Variants in SMC1B observed in about 807,000 individuals in gnomAD.
The protein encoded by SMC1B is structural maintenance of chromosomes 1B, also known as structural maintenance of chromosomes protein 1B.
SMC1B carries 60 observed loss-of-function variants against 157.9 expected under a neutral mutation model. The observed-to-expected ratio is 0.38, with a 90% CI of 0.31 to 0.47. SMC1B has a LOEUF of 0.47. SMC1B is among the 20% of genes least tolerant of loss of function. The probability of loss-of-function intolerance (pLI) is 0.99; values close to 1 mark genes in which losing one functional copy is unlikely to be tolerated. For missense variants in SMC1B, 1,165 were observed against 1,426.2 expected (o/e 0.82, Z 2.95); for synonymous variants, 445 against 483.0 (o/e 0.92, Z 1.03).
At chr22:45,361,177 G>T (rs1338080390) in intron 17 of SMC1B, among the ~76,000 whole-genome samples, 1 of 152,170 alleles carries the variant, frequency 6.6e-6, no homozygotes, top group East Asian at 1.9e-4. Context: ...AGAAATTGTG[G>T]CTCCAAATTC....
chr22:45,400,164 A>G (rs558991026), intron 5 of SMC1B, among the ~76,000 whole-genome samples: 1 of 152,328 alleles, frequency 6.6e-6, no homozygotes, highest in East Asian at 1.9e-4. Context: ...ACACTCCAGT[A>G]GCAACGAACA....
At chr22:45,389,921 A>G in intron 9 of SMC1B, 24 bp from the exon 10 acceptor site, 1 of 1,579,060 alleles carries the variant, frequency 6.3e-7, no homozygotes, top group Non-Finnish European at 8.7e-7. Flanking sequence ...AAAAAAGGAG[A>G]GAAAAACAGA....
intron 15 of SMC1B, among the ~76,000 whole-genome samples, chr22:45,364,813 G>T (rs1322527886): frequency 6.8e-6 from 1 of 147,852 alleles, no homozygotes; most frequent in African/African-American, 2.5e-5. Context: ...CATCTTGTAG[G>T]ATCTCTTTTC....
intron 5 of SMC1B, among the ~76,000 whole-genome samples, chr22:45,400,764 G>A (rs1276525047): frequency 1.3e-5 from 2 of 152,128 alleles, no homozygotes; most frequent in Non-Finnish European, 2.9e-5. Flanking sequence ...ATACCATGTT[G>A]ATATGACACA....
chr22:45,359,824 T>C lies in SMC1B; in HGVS notation c.2843A>G (p.Asp948Gly). ...GAATACCTCCACTTCAATGATGTCATCCAGTGACCCCGACAAAAGGATTAT... is the reference window on the plus strand; with the variant it reads ...GAATACCTCCACTTCAATGATGTCACCCAGTGACCCCGACAAAAGGATTAT... ...IEIILLSGSL[D>G]DIIEVEMGTE... Residue 948 changes from aspartate to glycine, a missense_variant, in exon 18 of 25, where the codon GAT (aspartate) becomes GGT (glycine). Coordinates refer to ENST00000357450, the MANE Select transcript of SMC1B (RefSeq NM_148674.5). 6.2e-7 allele frequency: 1 copy of C among 1,613,610 alleles called. No individual in the cohort carries two copies. The highest frequency in any genetic ancestry group is 8.5e-7 in the Non-Finnish European group (1 of 1,179,730).
intron 4 of SMC1B, among the ~76,000 whole-genome samples, chr22:45,403,617 C>T (rs1243095736): frequency 2.6e-5 from 4 of 152,058 alleles, no homozygotes; most frequent in African/African-American, 9.7e-5. Flanking sequence ...CCACACCAGG[C>T]AAAGTTTTTT....
chr22:45,397,615 C>T (rs2087140285), intron 6 of SMC1B, among the ~76,000 whole-genome samples: 1 of 152,182 alleles, frequency 6.6e-6, no homozygotes, highest in Non-Finnish European at 1.5e-5. Context: ...TGATTGATCC[C>T]TACCCTTCAC....
intron 18 of SMC1B, 146 bp downstream of exon 18, chr22:45,359,659 G>T: frequency 1.4e-6 from 1 of 729,350 alleles, no homozygotes; most frequent in Non-Finnish European, 2.2e-6. Context: ...AGTCCTCTGA[G>T]ATGACAGTCA....
rs1330724232 is a variant in SMC1B at position 45,406,552 on chromosome 22, A to T, written c.523T>A (p.Leu175Ile). 6.2e-7 allele frequency: 1 copy of T among 1,612,872 alleles called. No homozygotes were observed. The highest frequency in any genetic ancestry group is 8.5e-7 in the Non-Finnish European group (1 of 1,179,834). The change falls in exon 4 of 25, where the codon TTA becomes ATA. Residue 175 changes from leucine to isoleucine, a missense_variant. Physicochemically the swap from Leu to Ile is conservative, Grantham distance 5. Transcript: ENST00000357450. ...TGTGCATCCTCTTCGGCTTTTTGTA[A>T]CTTTCTTTTCTTTTCTTCATATTCT... is the stretch of plus-strand genomic sequence containing the variant. ...IGEYEEKKRKLQKAEEDAQFN... is the reference protein window; with the variant it reads ...IGEYEEKKRKIQKAEEDAQFN...
At chr22:45,401,165 A>T (rs1008394345) in intron 5 of SMC1B, among the ~76,000 whole-genome samples, 1 of 152,254 alleles carries the variant, frequency 6.6e-6, no homozygotes, top group African/African-American at 2.4e-5. Flanking sequence ...ATAATGTAAG[A>T]TATTAATAAT....
At chr22:45,393,410 C>T (rs1285937610) in intron 9 of SMC1B, among the ~76,000 whole-genome samples, 1 of 152,148 alleles carries the variant, frequency 6.6e-6, no homozygotes, top group Admixed American at 6.5e-5. Flanking sequence ...TGTCAAGCTT[C>T]TCCCCAATAA....
At chr22:45,372,912 A>C (rs960889723) in intron 12 of SMC1B, among the ~76,000 whole-genome samples, 6 of 152,038 alleles carry the variant, frequency 3.9e-5, no homozygotes, top group Non-Finnish European at 7.4e-5. Context: ...CGGGGGTTTC[A>C]TCGTGTTAGC....
At chr22:45,358,885 G>GT in intron 18 of SMC1B, 90 bp from the exon 19 acceptor site, 1 of 775,530 alleles carries the variant, frequency 1.3e-6, no homozygotes, top group Non-Finnish European at 2.2e-6. Context: ...AATTACAATA[G>GT]TAACATCAAA....
At chr22:45,361,741 C>A in intron 17 of SMC1B, 98 bp downstream of exon 17, 1 of 1,160,980 alleles carries the variant, frequency 8.6e-7, no homozygotes, top group Non-Finnish European at 1.2e-6. Context: ...CAACAAAGGG[C>A]ACATATTCAA....
At chr22:45,411,648 G>A (rs1345600739) in intron 1 of SMC1B, among the ~76,000 whole-genome samples, 7 of 151,030 alleles carry the variant, frequency 4.6e-5, no homozygotes, top group Non-Finnish European at 1.0e-4. Context: ...GTGCAGTGGC[G>A]TGATGTCAGC....
chr22:45,368,903 C>T (rs1431356513), intron 15 of SMC1B, among the ~76,000 whole-genome samples: 1 of 152,150 alleles, frequency 6.6e-6, no homozygotes, highest in Non-Finnish European at 1.5e-5. Context: ...GATAATTCAC[C>T]TGTGAAGCTA....
At position 45,354,026 on chromosome 22, in the gene SMC1B, G is replaced by C. The variant is rs71313005; in HGVS notation, c.3225C>G (p.Ile1075Met). ...LFTQCFEHVS[I>M]SIDQIYKKLC... is the part of the protein sequence containing the mutation. ...GCTTCTTGTAGATTTGATCAATTGA[G>C]ATTGAGACATGCTCAAAACACTGGG... is the stretch of plus-strand genomic sequence containing the variant. Residue 1075 changes from isoleucine (I) to methionine (M), a missense_variant, in exon 21 of 25, where the codon ATC (isoleucine) becomes ATG (methionine). Coordinates refer to ENST00000357450, the MANE Select transcript of SMC1B (RefSeq NM_148674.5). 6.3e-7 allele frequency: 1 copy of C among 1,599,306 alleles called. No homozygotes were observed. The highest frequency in any genetic ancestry group is 8.5e-7 in the Non-Finnish European group (1 of 1,174,172).
In SMC1B at chr22:45,372,863, C is replaced by T. The variant is rs531261665; in HGVS notation, c.2059-571G>A. Among the ~76,000 whole-genome samples, 6 of 152,056 alleles carry T rather than the reference C, an allele frequency of 3.9e-5. No individual in the cohort carries two copies. In the South Asian group the frequency reaches 1.0e-3, roughly 26 times the overall value. Reference sequence around the variant, plus strand: ...GAGTAGCTGGGACTACAGGCACCCGCCAGCAGGCCCAGCTAATTTTTTGTA... The same window carrying T: ...GAGTAGCTGGGACTACAGGCACCCGTCAGCAGGCCCAGCTAATTTTTTGTA... On this transcript the variant is annotated intron_variant, in intron 12 of 24. Coordinates refer to ENST00000357450, the MANE Select transcript of SMC1B (RefSeq NM_148674.5).
intron 24 of SMC1B, 109 bp downstream of exon 24, chr22:45,345,350 C>A (rs977668523): frequency 5.1e-6 from 3 of 585,152 alleles, no homozygotes; most frequent in Admixed American, 3.1e-5. Context: ...AAAGTCATTT[C>A]AGCATTAGAC....
Sources: gnomAD v4.1 joint callset for allele counts (sites outside exome capture counted in the v4.1 genomes callset) on GRCh38, gnomAD v4.1.1 for gene constraint, MANE v1.5 for transcripts, NCBI Gene and HGNC (gene_info 2026-07-23, HGNC 2026-07-21) for gene names.